PRKCE: variants seen among roughly 807,000 people sequenced by gnomAD.
PRKCE encodes protein kinase C epsilon type.
A neutral mutation model predicts 85.4 loss-of-function variants in PRKCE; 16 were observed. The observed-to-expected ratio is 0.19, with a 90% CI of 0.13 to 0.28. The LOEUF is 0.28. Ranked by LOEUF, PRKCE falls within the 10% of genes least tolerant of loss-of-function variation. PRKCE has a pLI of 1.00. For synonymous variants in PRKCE, 388 were observed against 371.5 expected, an observed-to-expected ratio of 1.04 and a Z score of -0.51; for missense variants, 573 against 975.2, an observed-to-expected ratio of 0.59 and a Z score of 5.49.
intron 2 of PRKCE, among the ~76,000 whole-genome samples, chr2:45,958,664 G>T (rs1353593547): frequency 6.7e-6 from 1 of 149,688 alleles, no homozygotes; most frequent in Non-Finnish European, 1.5e-5. Context: ...AGAGGGAGTT[G>T]TCTCTATGAG....
chr2:46,109,174 T>C (rs1326092371), intron 11 of PRKCE, among the ~76,000 whole-genome samples: 1 of 152,174 alleles, frequency 6.6e-6, no homozygotes. Context: ...TTGGGTCCCT[T>C]ATGTCTTTTG....
At chr2:46,026,055 G>A (rs892279309) in intron 10 of PRKCE, among the ~76,000 whole-genome samples, 1 of 152,224 alleles carries the variant, frequency 6.6e-6, no homozygotes, top group African/African-American at 2.4e-5. Context: ...CATATCCCAG[G>A]AAGGAGGGAT....
intron 6 of PRKCE, among the ~76,000 whole-genome samples, chr2:45,997,098 G>A (rs896906088): frequency 1.1e-4 from 17 of 152,066 alleles, no homozygotes; most frequent in African/African-American, 1.9e-4. Context: ...TCAAATGATA[G>A]GCATAATATT....
intron 2 of PRKCE, among the ~76,000 whole-genome samples, chr2:45,878,180 C>T (rs547089456): frequency 3.6e-4 from 55 of 152,358 alleles, no homozygotes; most frequent in South Asian, 1.0e-3. Context: ...AGAACCTAGA[C>T]GAAACCCCTG....
At chr2:45,819,340 C>T (rs1689332995) in intron 1 of PRKCE, among the ~76,000 whole-genome samples, 1 of 152,168 alleles carries the variant, frequency 6.6e-6, no homozygotes. Flanking sequence ...CCATGTGGTA[C>T]CCATCTTGCT....
chr2:46,169,822 G>A (rs1289463966), intron 14 of PRKCE, among the ~76,000 whole-genome samples: 1 of 152,144 alleles, frequency 6.6e-6, no homozygotes, highest in East Asian at 1.9e-4. Flanking sequence ...TGAGAAGACA[G>A]TCACCCCAAA....
At chr2:46,175,652 C>T (rs1465602066) in intron 14 of PRKCE, among the ~76,000 whole-genome samples, 2 of 152,154 alleles carry the variant, frequency 1.3e-5, no homozygotes, top group Non-Finnish European at 2.9e-5. Context: ...AGCATGAAGG[C>T]TAAGCCACTA....
chr2:45,746,171 A>C (rs1478420275), intron 1 of PRKCE, among the ~76,000 whole-genome samples: 1 of 152,086 alleles, frequency 6.6e-6, no homozygotes, highest in Non-Finnish European at 1.5e-5. Context: ...TTGTATTTGT[A>C]GGGAAAGCTA....
At chr2:45,799,488 G>T (rs1687691262) in intron 1 of PRKCE, among the ~76,000 whole-genome samples, 1 of 152,122 alleles carries the variant, frequency 6.6e-6, no homozygotes, top group South Asian at 2.1e-4. Context: ...AGGAGTTGGA[G>T]GCTGTTGTGC....
At chr2:45,801,787 A>C (rs1687889079) in intron 1 of PRKCE, among the ~76,000 whole-genome samples, 1 of 152,104 alleles carries the variant, frequency 6.6e-6, no homozygotes, top group Non-Finnish European at 1.5e-5. Flanking sequence ...AGGTTGCCAA[A>C]CCTGAAGCAG....
At chr2:46,009,482 AC>A (rs1487989221) in intron 9 of PRKCE, among the ~76,000 whole-genome samples, 1 of 152,226 alleles carries the variant, frequency 6.6e-6, no homozygotes, top group Non-Finnish European at 1.5e-5. Context: ...AACATTTCAC[AC>A]CTATTAAGTG....
At chr2:45,840,577 G>C (rs1691262201) in intron 1 of PRKCE, 1 of 152,208 alleles carries the variant, frequency 6.6e-6, no homozygotes, top group African/African-American at 2.4e-5. Flanking sequence ...GGGGTGCCCA[G>C]GGGGCAATGC....
chr2:45,782,655 T>A (rs1686282350), intron 1 of PRKCE, among the ~76,000 whole-genome samples: 1 of 152,184 alleles, frequency 6.6e-6, no homozygotes, highest in Non-Finnish European at 1.5e-5. Flanking sequence ...GAAAGATGGT[T>A]GTTTTTTATG....
chr2:45,716,018 C>T (rs190912536), intron 1 of PRKCE, among the ~76,000 whole-genome samples: 1 of 152,332 alleles, frequency 6.6e-6, no homozygotes, highest in African/African-American at 2.4e-5. Context: ...TACTAAAATC[C>T]TGCTTCAGTT....
chr2:45,997,802 C>T (rs1407604350), intron 6 of PRKCE, among the ~76,000 whole-genome samples: 1 of 152,212 alleles, frequency 6.6e-6, no homozygotes, highest in African/African-American at 2.4e-5. Flanking sequence ...CTGCCTTGGC[C>T]TCCCAAAGTG....
chr2:45,880,642 C>A (rs896223929), intron 2 of PRKCE, among the ~76,000 whole-genome samples: 1 of 152,108 alleles, frequency 6.6e-6, no homozygotes, highest in African/African-American at 2.4e-5. Flanking sequence ...TATATGTATA[C>A]CAATGCCTCA....
At chr2:45,901,867 C>T (rs1174904125) in intron 2 of PRKCE, among the ~76,000 whole-genome samples, 6 of 152,204 alleles carry the variant, frequency 3.9e-5, no homozygotes, top group Admixed American at 2.6e-4. Flanking sequence ...CCCTGAAGTC[C>T]AGCCAGGTGC....
rs757427193 is a variant in PRKCE, at chr2:45,652,509, C to G, written c.348+61C>G. 4.2e-6 allele frequency: 6 copies of G among 1,443,394 alleles called. No individual in the cohort carries two copies. The highest frequency in any genetic ancestry group is 5.6e-6 in the Non-Finnish European group (6 of 1,071,992). The allele number at this position is 1,443,394 out of a possible 1,614,324, so 89.4% of individuals were successfully genotyped here. On this transcript the variant is annotated intron_variant, in intron 1 of 14. Coordinates refer to ENST00000306156, the MANE Select transcript of PRKCE (RefSeq NM_005400.3). This position sits in a 1 kb window ranked among gnomAD's most constrained non-coding sequence, Gnocchi z 7.7. ...GGTTGTGGGGTCCCGGGGAAAGACT[C>G]GCTGGTCTTGATCGTAGGGCTCCGG... is the stretch of plus-strand genomic sequence containing the variant.
At chr2:45,992,496 C>A (rs1220937099) in intron 6 of PRKCE, among the ~76,000 whole-genome samples, 1 of 152,224 alleles carries the variant, frequency 6.6e-6, no homozygotes, top group Non-Finnish European at 1.5e-5. Context: ...CTCTCACACC[C>A]CTGCCAACTT....
Sources: gnomAD v4.1 joint callset for allele counts (sites outside exome capture counted in the v4.1 genomes callset) on GRCh38, gnomAD v4.1.1 for gene constraint, Gnocchi (gnomAD v3.1) non-coding constraint, MANE v1.5 for transcripts, NCBI Gene and HGNC (gene_info 2026-07-23, HGNC 2026-07-21) for gene names.